The following THSD7B variants were observed in gnomAD, a reference collection of about 807,000 sequenced individuals.
The protein encoded by THSD7B is thrombospondin type 1 domain containing 7B.
A neutral mutation model predicts 213.6 loss-of-function variants in THSD7B; 138 were observed. The observed-to-expected ratio is 0.65, with a 90% CI of 0.56 to 0.74. THSD7B has a LOEUF of 0.74. Ranked by LOEUF, THSD7B falls within the 30% of genes least tolerant of loss-of-function variation. The pLI is 0.00. For missense variants in THSD7B, 1,931 were observed against 1,991.5 expected (o/e 0.97, Z 0.58); for synonymous variants, 742 against 687.0 (o/e 1.08, Z -1.25).
chr2:137,298,027 C>A (rs1683508440), intron 12 of THSD7B, among the ~76,000 whole-genome samples: 1 of 152,044 alleles, frequency 6.6e-6, no homozygotes, highest in Non-Finnish European at 1.5e-5. Flanking sequence ...GAAGTTGGAA[C>A]AATTTGGAGG....
At chr2:136,842,650 T>G (rs1432927165) in intron 1 of THSD7B, among the ~76,000 whole-genome samples, 1 of 152,186 alleles carries the variant, frequency 6.6e-6, no homozygotes, top group African/African-American at 2.4e-5. Context: ...GAGAAGAACC[T>G]TTTTTTGAAA....
intron 2 of THSD7B, among the ~76,000 whole-genome samples, chr2:136,912,401 C>G (rs1684278305): frequency 1.3e-5 from 2 of 150,646 alleles, no homozygotes; most frequent in East Asian, 2.0e-4. Flanking sequence ...GAGACTCCCT[C>G]TCAAAAAAAG....
intron 14 of THSD7B, among the ~76,000 whole-genome samples, chr2:137,441,205 C>T (rs556442291): frequency 6.6e-6 from 1 of 152,076 alleles, no homozygotes; most frequent in Non-Finnish European, 1.5e-5. Context: ...TCAGAATTTT[C>T]AAATTGTCTC....
intron 26 of THSD7B, among the ~76,000 whole-genome samples, chr2:137,665,160 A>G (rs1391760900): frequency 6.6e-6 from 1 of 152,234 alleles, no homozygotes; most frequent in African/African-American, 2.4e-5. Context: ...GCTAAATTAG[A>G]AGTAGATTTA....
intron 2 of THSD7B, among the ~76,000 whole-genome samples, chr2:137,035,613 C>G (rs1306297742): frequency 2.6e-5 from 4 of 151,684 alleles, no homozygotes; most frequent in African/African-American, 9.7e-5. Flanking sequence ...TTGTCTAGGG[C>G]TCATGATAGG....
In THSD7B at chr2:137,342,737, T is replaced by A. The variant is rs924567462; in HGVS notation, c.2501-62876T>A. On this transcript the variant is annotated intron_variant, in intron 12 of 27. Coordinates refer to ENST00000409968, the MANE Select transcript of THSD7B (RefSeq NM_001316349.2). ...TGTTTTGTTTTGTTTTGTTTTGTTT[T>A]ATCGTGAAACTATGCTGAATTTGTC... Among the ~76,000 whole-genome samples, 18 of 151,618 alleles carry A rather than the reference T, an allele frequency of 1.2e-4. 2 individuals carry two copies. Among genetic ancestry groups the A allele is most frequent in the Admixed American group, 7.2e-4 (11 of 15,186 alleles).
At chr2:137,367,267 G>T (rs1685427666) in intron 12 of THSD7B, among the ~76,000 whole-genome samples, 1 of 152,052 alleles carries the variant, frequency 6.6e-6, no homozygotes, top group Non-Finnish European at 1.5e-5. Context: ...TCAATTACTT[G>T]CCTTAGCATG....
intron 15 of THSD7B, among the ~76,000 whole-genome samples, chr2:137,462,477 C>G (rs1687904376): frequency 6.6e-6 from 1 of 152,070 alleles, no homozygotes; most frequent in African/African-American, 2.4e-5. Context: ...TAGCCAATCA[C>G]TAACCAATGC....
chr2:136,799,472 T>TA (rs1487272916), intron 1 of THSD7B, among the ~76,000 whole-genome samples: 7 of 151,974 alleles, frequency 4.6e-5, no homozygotes, highest in Non-Finnish European at 1.0e-4. Flanking sequence ...TCAAATCCAC[T>TA]AACCTGCATC....
At chr2:137,275,548 T>C (rs540340223) in intron 11 of THSD7B, among the ~76,000 whole-genome samples, 3 of 151,964 alleles carry the variant, frequency 2.0e-5, no homozygotes, top group African/African-American at 7.2e-5. Flanking sequence ...GTTTTTTTTT[T>C]TTTGGAAACA....
chr2:137,470,378 A>G (rs1035367319), intron 15 of THSD7B, among the ~76,000 whole-genome samples: 3 of 152,344 alleles, frequency 2.0e-5, no homozygotes, highest in Non-Finnish European at 4.4e-5. Flanking sequence ...ACAAATTATT[A>G]TAAAAGAGAC....
At chr2:136,870,785 G>A (rs904264910) in intron 1 of THSD7B, among the ~76,000 whole-genome samples, 2 of 152,180 alleles carry the variant, frequency 1.3e-5, no homozygotes, top group South Asian at 4.1e-4. Flanking sequence ...AAGAGGTAAA[G>A]TTCAACTAGC....
In THSD7B at chr2:137,212,861, A is replaced by G. The variant is rs180948470; in HGVS notation, c.1724-18183A>G. Among the ~76,000 whole-genome samples, 21 of 152,118 alleles carry G rather than the reference A, an allele frequency of 1.4e-4. No homozygotes were observed. The East Asian group carries it at 4.1e-3, about 29-fold the overall frequency. On this transcript the variant is annotated intron_variant, in intron 7 of 27. Transcript: ENST00000409968. ...GAGAAGGGTAAGGAACAAACCACAA[A>G]TGGTGTAAAATTATGGATCAGGAAT...
intron 1 of THSD7B, among the ~76,000 whole-genome samples, chr2:136,849,708 C>T (rs1683066624): frequency 6.6e-6 from 1 of 152,056 alleles, no homozygotes; most frequent in African/African-American, 2.4e-5. Flanking sequence ...GGCTAATGCA[C>T]TCAAATAGCC....
chr2:137,052,306 C>T (rs16837954), intron 2 of THSD7B, among the ~76,000 whole-genome samples: 5,529 of 152,200 alleles, frequency 0.036, 334 homozygotes, highest in African/African-American at 0.12. Flanking sequence ...GAACTACTGT[C>T]CCCATTACAT....
chr2:137,361,012 A>C (rs934970996), intron 12 of THSD7B, among the ~76,000 whole-genome samples: 2 of 152,196 alleles, frequency 1.3e-5, no homozygotes, highest in African/African-American at 4.8e-5. Context: ...TTCCAGAGGA[A>C]GGATCAAGCA....
At chr2:137,399,975 C>G (rs1312408289) in intron 12 of THSD7B, among the ~76,000 whole-genome samples, 1 of 152,040 alleles carries the variant, frequency 6.6e-6, no homozygotes, top group African/African-American at 2.4e-5. Context: ...TGGGTCTAAT[C>G]TACTATTAAC....
intron 15 of THSD7B, among the ~76,000 whole-genome samples, chr2:137,467,499 GC>G (rs1189074291): frequency 1.3e-5 from 2 of 152,164 alleles, no homozygotes; most frequent in African/African-American, 4.8e-5. Flanking sequence ...ACTTTGAGAT[GC>G]TAGTGTGTAT....
At chr2:137,292,583 A>C (rs531826102) in intron 12 of THSD7B, among the ~76,000 whole-genome samples, 1 of 152,302 alleles carries the variant, frequency 6.6e-6, no homozygotes, top group Admixed American at 6.5e-5. Context: ...TATTATAACA[A>C]TCCAATCTAC....
Sources: allele counts gnomAD v4.1 joint callset (sites outside exome capture counted in the v4.1 genomes callset), GRCh38; gene constraint gnomAD v4.1.1; transcripts MANE v1.5; gene names NCBI Gene and HGNC (gene_info 2026-07-23, HGNC 2026-07-21).